HAPLN1: variants seen among roughly 807,000 people sequenced by gnomAD.
HAPLN1 encodes the protein hyaluronan and proteoglycan link protein 1, also known as Cartilage link protein.
A neutral mutation model predicts 36.5 loss-of-function variants in HAPLN1; 13 were observed. The observed-to-expected ratio is 0.36, with a 90% confidence interval of 0.23 to 0.57. HAPLN1 has a LOEUF of 0.57. Among genes scored for constraint, HAPLN1 ranks in the 20% least tolerant of loss-of-function variants. The pLI is 0.83. For missense variants in HAPLN1, 407 were observed against 439.7 expected, an observed-to-expected ratio of 0.93 and a Z score of 0.66; for synonymous variants, 202 against 169.8, an observed-to-expected ratio of 1.19 and a Z score of -1.48.
At chr5:83,689,015 A>G (rs545384562) in intron 1 of HAPLN1, among the ~76,000 whole-genome samples, 1 of 152,286 alleles carries the variant, frequency 6.6e-6, no homozygotes, top group East Asian at 1.9e-4. Flanking sequence ...CATGCATTGT[A>G]TTTGCACAGG....
chr5:83,707,939 C>T (rs1667629641), intron 1 of HAPLN1, among the ~76,000 whole-genome samples: 1 of 152,194 alleles, frequency 6.6e-6, no homozygotes, highest in African/African-American at 2.4e-5. Context: ...GGCATACATG[C>T]AGCCAACAAG....
At chr5:83,681,728 A>G (rs895850755) in intron 1 of HAPLN1, among the ~76,000 whole-genome samples, 5 of 152,152 alleles carry the variant, frequency 3.3e-5, no homozygotes, top group African/African-American at 1.2e-4. Context: ...CACGCTATAC[A>G]TCATTTGAAA....
chr5:83,693,595 T>C (rs1751327273), intron 1 of HAPLN1, among the ~76,000 whole-genome samples: 1 of 151,628 alleles, frequency 6.6e-6, no homozygotes, highest in Non-Finnish European at 1.5e-5. Flanking sequence ...ATAATCTAAA[T>C]AAGAAAGACA....
intron 2 of HAPLN1, among the ~76,000 whole-genome samples, chr5:83,670,990 G>GCTTTCTTT (rs138693711): frequency 9.2e-5 from 14 of 151,862 alleles, no homozygotes; most frequent in African/African-American, 3.4e-4. Flanking sequence ...ACCATGCCTG[G>GCTTTCTTT]CTTTCTTTCT....
In HAPLN1 at chr5:83,652,544, T is replaced by C. The variant is rs1158233597; in HGVS notation, c.381A>G (p.Thr127=). 1.9e-6 allele frequency: 3 copies of C among 1,614,178 alleles called. No individual in the cohort carries two copies. The South Asian group carries it at 3.3e-5, about 18-fold the overall frequency. ...GSDSDASLVI[T]DLTLEDYGRY... ...TCCCATAATCTTCCAGAGTGAGGTCTGTGATGACCAGAGAAGCATCACTAT... is the reference window on the plus strand; with the variant it reads ...TCCCATAATCTTCCAGAGTGAGGTCCGTGATGACCAGAGAAGCATCACTAT... Residue 127 remains threonine (T), a synonymous_variant, in exon 3 of 5, where the codon ACA becomes ACG. Coordinates refer to ENST00000274341, the MANE Select transcript of HAPLN1 (RefSeq NM_001884.4).
At chr5:83,701,794 C>G (rs1031567193) in intron 1 of HAPLN1, among the ~76,000 whole-genome samples, 1 of 151,976 alleles carries the variant, frequency 6.6e-6, no homozygotes, top group African/African-American at 2.4e-5. Flanking sequence ...AAAAAATTAG[C>G]CAGATGCAGT....
intron 1 of HAPLN1, among the ~76,000 whole-genome samples, chr5:83,699,851 A>T (rs1751468085): frequency 6.6e-6 from 1 of 152,202 alleles, no homozygotes; most frequent in South Asian, 2.1e-4. Context: ...CAACACTTCT[A>T]TTTTAACATT....
chr5:83,644,747 C>A, intron 3 of HAPLN1, 82 bp from the exon 4 acceptor site: 1 of 983,442 alleles, frequency 1.0e-6, no homozygotes, highest in South Asian at 3.4e-5. Flanking sequence ...TGGTGAAAAA[C>A]CTAACAGACC....
chr5:83,666,074 G>T (rs1056952886), intron 2 of HAPLN1, among the ~76,000 whole-genome samples: 1 of 151,968 alleles, frequency 6.6e-6, no homozygotes, highest in East Asian at 1.9e-4. Flanking sequence ...CTTTAAAAAC[G>T]ATTTCATTTT....
chr5:83,668,952 T>C (rs1750628649), intron 2 of HAPLN1, among the ~76,000 whole-genome samples: 1 of 152,196 alleles, frequency 6.6e-6, no homozygotes, highest in Admixed American at 6.5e-5. Context: ...TTTTTTCTAC[T>C]TACAGACATA....
intron 4 of HAPLN1, among the ~76,000 whole-genome samples, chr5:83,643,259 A>G (rs1286833427): frequency 6.7e-6 from 1 of 150,332 alleles, no homozygotes; most frequent in Admixed American, 6.7e-5. Context: ...GAGGAGGGAG[A>G]GTCATTTGGG....
chr5:83,681,115 A>G (rs1187626666), intron 1 of HAPLN1, among the ~76,000 whole-genome samples: 1 of 152,228 alleles, frequency 6.6e-6, no homozygotes, highest in African/African-American at 2.4e-5. Flanking sequence ...ATTGTATTAA[A>G]TAATATAAAA....
chr5:83,692,719 A>C (rs1751308358), intron 1 of HAPLN1, among the ~76,000 whole-genome samples: 1 of 151,940 alleles, frequency 6.6e-6, no homozygotes, highest in South Asian at 2.1e-4. Context: ...ATAAGTAAGC[A>C]CATTTTTCTC....
intron 1 of HAPLN1, among the ~76,000 whole-genome samples, chr5:83,712,911 A>G (rs1455162708): frequency 6.6e-6 from 1 of 150,932 alleles, no homozygotes; most frequent in Non-Finnish European, 1.5e-5. Context: ...AGTTGCTGAG[A>G]AGTCCAGAGA....
chr5:83,717,036 A>G (rs1751929209), intron 1 of HAPLN1, among the ~76,000 whole-genome samples: 1 of 150,662 alleles, frequency 6.6e-6, no homozygotes, highest in Non-Finnish European at 1.5e-5. Flanking sequence ...CATCTCAAGG[A>G]AAAAAAAACA....
chr5:83,687,519 A>G (rs368524935), intron 1 of HAPLN1, among the ~76,000 whole-genome samples: 9 of 152,340 alleles, frequency 5.9e-5, no homozygotes, highest in African/African-American at 1.9e-4. Context: ...TCTCACCATT[A>G]TAGCATCTAA....
intron 1 of HAPLN1, among the ~76,000 whole-genome samples, chr5:83,687,933 A>C (rs1034167452): frequency 4.6e-5 from 7 of 152,216 alleles, no homozygotes; most frequent in African/African-American, 1.7e-4. Flanking sequence ...TTAAGATATA[A>C]GCATTGGATA....
intron 2 of HAPLN1, among the ~76,000 whole-genome samples, chr5:83,668,303 G>A (rs1750609727): frequency 6.6e-6 from 1 of 152,180 alleles, no homozygotes; most frequent in Admixed American, 6.5e-5. Flanking sequence ...GAGGGGGACA[G>A]ATTGCAATAG....
In HAPLN1 at chr5:83,652,635, G is replaced by A. The variant is rs997821864; in HGVS notation, c.290C>T (p.Ser97Phe). Residue 97 changes from serine to phenylalanine, a missense_variant, in exon 3 of 5, where the codon TCC (serine) becomes TTC (phenylalanine). Physicochemically the swap from Ser to Phe is radical, Grantham distance 155. Transcript: ENST00000274341. The stretch of plus-strand genomic sequence containing the variant: ...ATAGGTTTTTTTGTGGTATCCCATG[G>A]AAACAAAAACATCCACTTCCTTGAG... ...DYLKEVDVFV[S>F]MGYHKKTYGG... 5 of 1,613,872 alleles carry A rather than the reference G, an allele frequency of 3.1e-6. No homozygotes were observed. Among genetic ancestry groups the A allele is most frequent in the Non-Finnish European group, 3.4e-6 (4 of 1,179,978 alleles).
Sources: allele counts gnomAD v4.1 joint callset (sites outside exome capture counted in the v4.1 genomes callset), GRCh38; gene constraint gnomAD v4.1.1; transcripts MANE v1.5; gene names NCBI Gene and HGNC (gene_info 2026-07-23, HGNC 2026-07-21).